Variants in ZFHX3 observed in about 807,000 individuals in gnomAD.
ZFHX3 encodes the protein zinc finger homeobox 3.
Under a neutral mutation model 279.1 loss-of-function variants are expected in ZFHX3, and 42 were observed. The ratio of observed to expected loss-of-function variants is 0.15; its 90% CI spans 0.12 to 0.19. The LOEUF (loss-of-function observed/expected upper bound fraction) is 0.19, where lower values mean the gene tolerates loss of function less well. Ranked by LOEUF, ZFHX3 falls within the 10% of genes least tolerant of loss-of-function variation. The pLI is 1.00. For missense variants in ZFHX3, 4,981 were observed against 4,754.0 expected, an observed-to-expected ratio of 1.05 and a Z score of -1.40; for synonymous variants, 2,293 against 1,957.8, an observed-to-expected ratio of 1.17 and a Z score of -4.52.
Position 72,959,537 on chromosome 16 carries a change from G to A in ZFHX3, c.609C>T (p.Ser203=), listed in dbSNP as rs1381855646. The change falls in exon 2 of 10, where the codon TCC becomes TCT. Residue 203 remains serine, a synonymous_variant. Coordinates refer to ENST00000268489, the MANE Select transcript of ZFHX3 (RefSeq NM_006885.4). The stretch of plus-strand genomic sequence containing the variant: ...CTGGGCCCTCAAACCATTTCCCGAA[G>A]GATGAGGCTATGTGGAAAGTGTTGA... The part of the protein sequence containing the change: ...QIINTFHIAS[S]FGKWFEGPDQ... 2.5e-6 allele frequency: 4 copies of A among 1,614,256 alleles called. No individual in the cohort carries two copies. The highest frequency in any genetic ancestry group is 3.4e-6 in the Non-Finnish European group (4 of 1,180,048).
chr16:73,565,662 G>C (rs2020440535), intron 2 of ZFHX3, among the ~76,000 whole-genome samples: 1 of 152,186 alleles, frequency 6.6e-6, no homozygotes, highest in Non-Finnish European at 1.5e-5. Context: ...ACTTGTCCAA[G>C]ATAACTCAGC....
At chr16:72,833,205 T>C (rs1030464562) in intron 4 of ZFHX3, among the ~76,000 whole-genome samples, 1 of 152,204 alleles carries the variant, frequency 6.6e-6, no homozygotes, top group African/African-American at 2.4e-5. Context: ...AGCATCCCGC[T>C]TTGAAACAGA....
chr16:73,399,984 C>T (rs1002598398), intron 3 of ZFHX3, among the ~76,000 whole-genome samples: 12 of 151,964 alleles, frequency 7.9e-5, no homozygotes, highest in African/African-American at 2.4e-4. Flanking sequence ...GACATAGGTG[C>T]TCACACGCAT....
At chr16:73,603,627 A>G (rs758288139) in intron 2 of ZFHX3, among the ~76,000 whole-genome samples, 1 of 152,114 alleles carries the variant, frequency 6.6e-6, no homozygotes, top group Non-Finnish European at 1.5e-5. Flanking sequence ...ATTCAAAATA[A>G]CATTATTTAT....
At chr16:73,510,874 T>TA (rs1457421243) in intron 2 of ZFHX3, among the ~76,000 whole-genome samples, 4 of 152,248 alleles carry the variant, frequency 2.6e-5, no homozygotes, top group African/African-American at 9.6e-5. Context: ...TGGACTCATA[T>TA]AGGGCAACTC....
chr16:73,286,043 A>G (rs796467043), intron 4 of ZFHX3, among the ~76,000 whole-genome samples: 22 of 152,276 alleles, frequency 1.4e-4, no homozygotes, highest in African/African-American at 5.3e-4. Context: ...GCCTGGCTGG[A>G]TCTGAGACAG....
rs1372033537 is a variant in ZFHX3 at position 72,782,955 on chromosome 16, A to G, written c.*4209T>C. 2.0e-5 allele frequency: 3 copies of G among 152,566 alleles called. No homozygotes were observed. Among genetic ancestry groups the G allele is most frequent in the African/African-American group, 4.8e-5 (2 of 41,422 alleles). The allele number at this position is 152,566 out of a possible 1,614,324, so 9.5% of individuals were successfully genotyped here. ...ATACTTGATGAAATATTTTCAAAGG[A>G]GTATATTCAATTACCATCTACAATC... On this transcript the variant is annotated 3_prime_UTR_variant, in exon 10 of 10. Transcript: ENST00000268489.
At chr16:73,720,504 C>A (rs923827683) in intron 1 of ZFHX3, among the ~76,000 whole-genome samples, 1 of 152,078 alleles carries the variant, frequency 6.6e-6, no homozygotes, top group Non-Finnish European at 1.5e-5. Context: ...CCTTTTAAAT[C>A]ATGCTTTTAA....
intron 3 of ZFHX3, among the ~76,000 whole-genome samples, chr16:73,358,367 T>G (rs1012405137): frequency 6.6e-6 from 1 of 152,204 alleles, no homozygotes; most frequent in African/African-American, 2.4e-5. Flanking sequence ...TGCTCTGATG[T>G]GAGCTGCACT....
At chr16:73,708,201 G>A (rs2053324611) in intron 1 of ZFHX3, among the ~76,000 whole-genome samples, 1 of 152,138 alleles carries the variant, frequency 6.6e-6, no homozygotes, top group South Asian at 2.1e-4. Context: ...AATTACTGGA[G>A]AAATCATTGA....
At chr16:73,689,408 A>C (rs1871690) in intron 1 of ZFHX3, among the ~76,000 whole-genome samples, 2 of 152,186 alleles carry the variant, frequency 1.3e-5, no homozygotes, top group Non-Finnish European at 2.9e-5. Context: ...AGCTATGTGC[A>C]CAAAGTAAAG....
chr16:73,566,167 G>T (rs2020447924), intron 2 of ZFHX3, among the ~76,000 whole-genome samples: 1 of 152,214 alleles, frequency 6.6e-6, no homozygotes, highest in Non-Finnish European at 1.5e-5. Context: ...CGGGCAGGAA[G>T]GCCCTGGTCC....
At chr16:72,810,720 C>A (rs990344000) in intron 7 of ZFHX3, among the ~76,000 whole-genome samples, 1 of 152,124 alleles carries the variant, frequency 6.6e-6, no homozygotes, top group Non-Finnish European at 1.5e-5. Context: ...CATTTTCTTG[C>A]TTTAAAAATC....
intron 2 of ZFHX3, among the ~76,000 whole-genome samples, chr16:73,626,360 G>A (rs1327235154): frequency 6.6e-6 from 1 of 151,872 alleles, no homozygotes; most frequent in African/African-American, 2.4e-5. Context: ...GAATCCATGT[G>A]TGCCCCCTCC....
intron 1 of ZFHX3, among the ~76,000 whole-genome samples, chr16:73,758,976 T>A (rs1321633494): frequency 6.6e-6 from 1 of 152,222 alleles, no homozygotes; most frequent in Non-Finnish European, 1.5e-5. Context: ...TGCATGGGCA[T>A]TACAAGTTAA....
At chr16:72,883,001 T>G (rs1025732250) in intron 4 of ZFHX3, among the ~76,000 whole-genome samples, 28 of 135,670 alleles carry the variant, frequency 2.1e-4, no homozygotes, top group African/African-American at 3.4e-4. Flanking sequence ...TGTGTGTGTG[T>G]GTGTGTGTGT....
At chr16:73,661,843 T>C (rs1003576466) in intron 2 of ZFHX3, among the ~76,000 whole-genome samples, 3 of 151,892 alleles carry the variant, frequency 2.0e-5, no homozygotes, top group Non-Finnish European at 4.4e-5. Flanking sequence ...CAATAAAAAG[T>C]ACTATTTATG....
In ZFHX3 at chr16:72,794,654, G is replaced by C. The variant is rs771903702; in HGVS notation, c.8028C>G (p.His2676Gln). The C allele has an allele frequency of 1.9e-6, 3 of 1,614,070 alleles. No individual in the cohort carries two copies. Among genetic ancestry groups the C allele is most frequent in the African/African-American group, 2.7e-5 (2 of 74,920 alleles). Residue 2676 changes from histidine (H) to glutamine (Q), a missense_variant, in exon 9 of 10, where the codon CAC becomes CAG. Physicochemically the swap from His to Gln is conservative, Grantham distance 24 (BLOSUM62 0). This residue lies in a region of ZFHX3 where 744 missense variants were observed against 701.3 expected (regional missense o/e 1.06). Transcript: ENST00000268489. The surrounding 1 kb of genome is among the most constrained non-coding windows in gnomAD (Gnocchi z 4.2). ...CCACACGTTTCTTCAAGCCCACCTCGTGTGCAATGTGATCCAACATCTTTC... is the reference window on the plus strand; with the variant it reads ...CCACACGTTTCTTCAAGCCCACCTCCTGTGCAATGTGATCCAACATCTTTC... ...PTRKMLDHIA[H>Q]EVGLKKRVVQ... is the part of the protein sequence containing the mutation.
intron 3 of ZFHX3, among the ~76,000 whole-genome samples, chr16:73,453,066 T>C (rs919443673): frequency 1.6e-5 from 2 of 126,670 alleles, no homozygotes; most frequent in African/African-American, 6.1e-5. Context: ...CCACTTAATG[T>C]GTGTCTTTCA....
Sources: allele counts gnomAD v4.1 joint callset (sites outside exome capture counted in the v4.1 genomes callset), GRCh38; gene constraint gnomAD v4.1.1; regional missense constraint gnomAD v4.1.1; non-coding constraint Gnocchi (gnomAD v3.1); transcripts MANE v1.5; gene names NCBI Gene and HGNC (gene_info 2026-07-23, HGNC 2026-07-21).